Variants in HSF5 observed in about 807,000 individuals in gnomAD.
HSF5 encodes heat shock factor protein 5.
A neutral mutation model predicts 50.8 loss-of-function variants in HSF5; 5 were observed. The observed-to-expected ratio is 0.10, with a 90% confidence interval of 0.05 to 0.21. The LOEUF (loss-of-function observed/expected upper bound fraction) is 0.21, where lower values mean the gene tolerates loss of function less well. Ranked by LOEUF, HSF5 falls within the 10% of genes least tolerant of loss-of-function variation. The pLI is 1.00. For missense variants in HSF5, 564 were observed against 762.6 expected (o/e 0.74, Z 3.07); for synonymous variants, 307 against 307.4 (o/e 1.00, Z 0.02).
chr17:58,466,307 A>C, intron 3 of HSF5, among the ~76,000 whole-genome samples: 1 of 152,224 alleles, frequency 6.6e-6, no homozygotes, highest in East Asian at 1.9e-4. Flanking sequence ...CTTAAAAAGA[A>C]AAGTCTAATT....
chr17:58,437,920 T>G (rs956175437), intron 5 of HSF5, among the ~76,000 whole-genome samples: 3 of 152,214 alleles, frequency 2.0e-5, no homozygotes, highest in Non-Finnish European at 4.4e-5. Context: ...ACAGGAGAGA[T>G]TCCCAGGAGT....
rs1319213481 is a variant in HSF5 at position 58,421,983 on chromosome 17, T to C, written c.*377A>G. ...AGAGAGACTGAATTCCCCACTAAAG[T>C]TGTGCTGACTACAGTTTGAGTGGCA... On this transcript the variant is annotated 3_prime_UTR_variant, in exon 6 of 6. Coordinates refer to ENST00000323777, the MANE Select transcript of HSF5 (RefSeq NM_001080439.3). The C allele has an allele frequency of 6.0e-6, 1 of 167,978 alleles. No homozygotes were observed. The highest frequency in any genetic ancestry group is 1.7e-4 in the East Asian group (1 of 5,826). 10.4% of individuals were successfully genotyped at this position (167,978 alleles called of 1,614,324 possible).
chr17:58,424,734 T>C (rs1046339971), intron 5 of HSF5, among the ~76,000 whole-genome samples: 1 of 151,838 alleles, frequency 6.6e-6, no homozygotes, highest in Non-Finnish European at 1.5e-5. Flanking sequence ...TGCAGTGAGC[T>C]ATGATGGCAC....
At chr17:58,454,826 A>G (rs1974687323) in intron 5 of HSF5, among the ~76,000 whole-genome samples, 1 of 152,356 alleles carries the variant, frequency 6.6e-6, no homozygotes, top group South Asian at 2.1e-4. Context: ...GATGTTGAAG[A>G]GGTCACAAAT....
intron 2 of HSF5, among the ~76,000 whole-genome samples, chr17:58,472,832 G>A (rs1376951154): frequency 1.3e-5 from 2 of 152,116 alleles, no homozygotes; most frequent in Non-Finnish European, 2.9e-5. Flanking sequence ...TCCCACTCTA[G>A]CAATTGGAGT....
At chr17:58,436,763 G>A (rs1416383651) in intron 5 of HSF5, among the ~76,000 whole-genome samples, 1 of 151,760 alleles carries the variant, frequency 6.6e-6, no homozygotes, top group East Asian at 1.9e-4. Context: ...AAATAGAAGA[G>A]ATACCTAACC....
chr17:58,422,900 T>C (rs1051142004), intron 5 of HSF5, among the ~76,000 whole-genome samples: 1 of 152,118 alleles, frequency 6.6e-6, no homozygotes, highest in Non-Finnish European at 1.5e-5. Flanking sequence ...TTCAGCATGT[T>C]GGCCAGGCTG....
intron 1 of HSF5, among the ~76,000 whole-genome samples, chr17:58,486,193 G>A (rs940748010): frequency 3.9e-5 from 6 of 151,944 alleles, no homozygotes; most frequent in Admixed American, 2.0e-4. Context: ...GTGAAACCTC[G>A]TCTCTACTAA....
intron 5 of HSF5, among the ~76,000 whole-genome samples, chr17:58,449,790 G>A (rs1198405143): frequency 1.3e-5 from 2 of 151,412 alleles, no homozygotes; most frequent in Non-Finnish European, 2.9e-5. Flanking sequence ...TTGGGAGGCC[G>A]AGGCGGGCGG....
rs572298715 is a variant in HSF5 at position 58,471,304 on chromosome 17, G to A, written c.926-4325C>T. On this transcript the variant is annotated intron_variant, in intron 2 of 5. Coordinates refer to ENST00000323777, the MANE Select transcript of HSF5 (RefSeq NM_001080439.3). ...TGGCAGAGGAGAGAGAGAGCTTCCT[G>A]GTGCTAAGTGCCTCTTTTCCATAAG... 5.9e-5 allele frequency among the ~76,000 whole-genome samples: 9 copies of A among 152,218 alleles called. No individual in the cohort carries two copies. The East Asian group carries it at 1.7e-3, about 29-fold the overall frequency.
chr17:58,479,317 G>C (rs1400261757), intron 2 of HSF5, among the ~76,000 whole-genome samples: 2 of 151,674 alleles, frequency 1.3e-5, no homozygotes, highest in South Asian at 4.2e-4. Flanking sequence ...TTTGCTTTTT[G>C]TTTTTGAGAC....
intron 1 of HSF5, among the ~76,000 whole-genome samples, chr17:58,485,757 A>AG (rs1975162009): frequency 6.6e-6 from 1 of 151,010 alleles, no homozygotes; most frequent in South Asian, 2.1e-4. Flanking sequence ...AAAAAAAAAA[A>AG]AAAAAAATCA....
In HSF5 at chr17:58,462,937, T is replaced by C; in HGVS notation, c.1387A>G (p.Thr463Ala). ...SLPQSPEYIY[T>A]IHTAQPVENS... ...TCAACAGGCTGAGCTGTGTGGATGGTATAGATGTACTCAGGTGACTGTGGT... is the reference window on the plus strand; with the variant it reads ...TCAACAGGCTGAGCTGTGTGGATGGCATAGATGTACTCAGGTGACTGTGGT... The change falls in exon 4 of 6, where the codon ACC becomes GCC. Residue 463 changes from threonine (T) to alanine (A), a missense_variant. Thr to Ala is a moderately conservative substitution (Grantham distance 58). Around this residue, in one of 5 missense-constraint regions of HSF5, gnomAD observed 441 missense variants for 533.6 expected, o/e 0.83. Coordinates refer to ENST00000323777, the MANE Select transcript of HSF5 (RefSeq NM_001080439.3). The C allele has an allele frequency of 1.2e-6, 2 of 1,614,188 alleles. No individual in the cohort carries two copies. Among genetic ancestry groups the C allele is most frequent in the East Asian group, 2.2e-5 (1 of 44,890 alleles).
Position 58,479,448 on chromosome 17 carries a change from G to A in HSF5, c.925+445C>T, listed in dbSNP as rs766641822. Among the ~76,000 whole-genome samples, 17 of 151,940 alleles carry A rather than the reference G, an allele frequency of 1.1e-4. 1 individual carries two copies. The East Asian group carries it at 1.2e-3, about 10-fold the overall frequency. Reference sequence around the variant, plus strand: ...CTCCTGAGTAGCTGGGATTACAGGCGCCTGCCACCGTGCCTGGCTAATTTC... The same window carrying A: ...CTCCTGAGTAGCTGGGATTACAGGCACCTGCCACCGTGCCTGGCTAATTTC... On this transcript the variant is annotated intron_variant, in intron 2 of 5. Transcript: ENST00000323777.
intron 5 of HSF5, among the ~76,000 whole-genome samples, chr17:58,442,690 C>T (rs545643891): frequency 2.2e-4 from 34 of 152,244 alleles, no homozygotes; most frequent in African/African-American, 7.9e-4. Flanking sequence ...TAGAGTTTGT[C>T]TCATAAGTGG....
chr17:58,422,819 C>T (rs1974244670), intron 5 of HSF5, among the ~76,000 whole-genome samples: 1 of 151,890 alleles, frequency 6.6e-6, no homozygotes, highest in African/African-American at 2.4e-5. Context: ...CCTCAGCCTC[C>T]CAAGTAGCTA....
intron 5 of HSF5, among the ~76,000 whole-genome samples, chr17:58,449,633 G>C (rs1362364563): frequency 1.3e-5 from 2 of 151,640 alleles, no homozygotes; most frequent in Admixed American, 1.3e-4. Context: ...CTGGGAGGCA[G>C]AGGTTGCAGT....
chr17:58,478,172 G>A (rs1257697581), intron 2 of HSF5, among the ~76,000 whole-genome samples: 3 of 151,472 alleles, frequency 2.0e-5, no homozygotes, highest in South Asian at 4.2e-4. Context: ...AGTGGCTCAC[G>A]CCTGTAATCC....
chr17:58,460,480 C>T (rs111912170), intron 4 of HSF5, among the ~76,000 whole-genome samples: 43 of 63,992 alleles, frequency 6.7e-4, no homozygotes, highest in African/African-American at 2.6e-3. Context: ...CATATATATA[C>T]ACACACACAC....
Sources: gnomAD v4.1 joint callset for allele counts (sites outside exome capture counted in the v4.1 genomes callset) on GRCh38, gnomAD v4.1.1 for gene constraint, gnomAD v4.1.1 regional missense constraint, MANE v1.5 for transcripts, NCBI Gene and HGNC (gene_info 2026-07-23, HGNC 2026-07-21) for gene names.